NEGR1: variants seen among roughly 807,000 people sequenced by gnomAD.
The protein encoded by NEGR1 is IgLON family member 4.
A neutral mutation model predicts 40.9 loss-of-function variants in NEGR1; 10 were observed. The observed-to-expected ratio is 0.24, with a 90% confidence interval of 0.15 to 0.42. The LOEUF is 0.42. Among genes scored for constraint, NEGR1 ranks in the 10% least tolerant of loss-of-function variants. The pLI, the probability that NEGR1 is intolerant of heterozygous loss-of-function variation, is 1.00. For missense variants in NEGR1, 352 were observed against 438.9 expected, an observed-to-expected ratio of 0.80 and a Z score of 1.77; for synonymous variants, 185 against 166.8, an observed-to-expected ratio of 1.11 and a Z score of -0.84.
At chr1:72,063,850 T>C (rs893762650) in intron 1 of NEGR1, among the ~76,000 whole-genome samples, 5 of 150,042 alleles carry the variant, frequency 3.3e-5, no homozygotes, top group Non-Finnish European at 5.9e-5. Context: ...AATGGCTATG[T>C]GCTTCCTCTA....
chr1:71,464,418 C>G (rs112317908), intron 6 of NEGR1, among the ~76,000 whole-genome samples: 1 of 152,048 alleles, frequency 6.6e-6, no homozygotes, highest in African/African-American at 2.4e-5. Context: ...CATCAAATGA[C>G]AGTTATGAGA....
chr1:72,093,388 AAACT>A (rs1392653217), intron 1 of NEGR1, among the ~76,000 whole-genome samples: 2 of 151,960 alleles, frequency 1.3e-5, no homozygotes, highest in African/African-American at 4.8e-5. Flanking sequence ...TTTAGTTATT[AAACT>A]AACAATTTCA....
intron 2 of NEGR1, among the ~76,000 whole-genome samples, chr1:71,832,644 G>T (rs1265970549): frequency 2.6e-5 from 4 of 152,014 alleles, no homozygotes; most frequent in Admixed American, 2.6e-4. Flanking sequence ...TGAGGATAGG[G>T]GAATTAACAA....
intron 1 of NEGR1, among the ~76,000 whole-genome samples, chr1:72,048,241 A>T (rs1212276449): frequency 6.6e-6 from 1 of 151,412 alleles, no homozygotes; most frequent in East Asian, 1.9e-4. Flanking sequence ...TTCCCATGGA[A>T]CTCTTTCTTC....
intron 5 of NEGR1, among the ~76,000 whole-genome samples, chr1:71,603,085 G>C (rs558689739): frequency 6.6e-6 from 1 of 152,190 alleles, no homozygotes; most frequent in South Asian, 2.1e-4. Context: ...CACTAGAAAT[G>C]CAAGTTTCTT....
intron 6 of NEGR1, among the ~76,000 whole-genome samples, chr1:71,568,312 G>A (rs1648687677): frequency 6.6e-6 from 1 of 152,160 alleles, no homozygotes; most frequent in Admixed American, 6.5e-5. Context: ...ATGAACTCTA[G>A]TGAAGAATCA....
At chr1:72,133,933 A>T (rs1271360026) in intron 1 of NEGR1, among the ~76,000 whole-genome samples, 1 of 152,042 alleles carries the variant, frequency 6.6e-6, no homozygotes, top group South Asian at 2.1e-4. Flanking sequence ...TTTAATTTTT[A>T]AATTTGATGA....
intron 4 of NEGR1, among the ~76,000 whole-genome samples, chr1:71,628,048 C>T (rs1262208683): frequency 6.6e-6 from 1 of 152,024 alleles, no homozygotes; most frequent in Non-Finnish European, 1.5e-5. Flanking sequence ...GAGGACTTCC[C>T]ATTTCTTCAG....
chr1:71,986,306 T>A (rs1162557028), intron 1 of NEGR1, among the ~76,000 whole-genome samples: 1 of 152,222 alleles, frequency 6.6e-6, no homozygotes, highest in African/African-American at 2.4e-5. Context: ...TTCCACACAA[T>A]AGTGCATTAT....
chr1:72,167,137 A>C (rs1398707615), intron 1 of NEGR1, among the ~76,000 whole-genome samples: 2 of 152,108 alleles, frequency 1.3e-5, no homozygotes, highest in East Asian at 1.9e-4. Flanking sequence ...CAAAATCTTA[A>C]AACAAGATGC....
intron 6 of NEGR1, among the ~76,000 whole-genome samples, chr1:71,496,237 A>G (rs567348592): frequency 3.3e-5 from 5 of 152,316 alleles, no homozygotes; most frequent in Admixed American, 1.3e-4. Flanking sequence ...TGAACAGCAC[A>G]TAAGTACAGC....
chr1:72,095,894 C>T (rs914105750), intron 1 of NEGR1, among the ~76,000 whole-genome samples: 1 of 152,050 alleles, frequency 6.6e-6, no homozygotes, highest in Non-Finnish European at 1.5e-5. Flanking sequence ...AAGTATTTTC[C>T]TTTCTCTTTT....
At chr1:71,809,331 A>T (rs1307825958) in intron 2 of NEGR1, among the ~76,000 whole-genome samples, 1 of 152,210 alleles carries the variant, frequency 6.6e-6, no homozygotes, top group Non-Finnish European at 1.5e-5. Context: ...TTCCGTGGAA[A>T]TTCAGCTAGC....
chr1:72,070,746 T>A (rs1402918513), intron 1 of NEGR1, among the ~76,000 whole-genome samples: 1 of 151,978 alleles, frequency 6.6e-6, no homozygotes, highest in Non-Finnish European at 1.5e-5. Context: ...CCAACTACAT[T>A]GTGGTTGTGT....
chr1:71,400,770 C>A lies in NEGR1; in HGVS notation c.*6676G>T, dbSNP rs1006819096. On this transcript the variant is annotated 3_prime_UTR_variant, in exon 7 of 7. Transcript: ENST00000357731. ...CATCTCGTCTGGGAGCGGTGGCTCA[C>A]GCCTGTAATCCCAGCACTTTAGGAG... 6.6e-6 allele frequency: 1 copy of A among 151,940 alleles called. No homozygotes were observed. Among genetic ancestry groups the A allele is most frequent in the African/African-American group, 2.4e-5 (1 of 41,376 alleles). 9.4% of individuals were successfully genotyped at this position (151,940 alleles called of 1,614,324 possible).
intron 1 of NEGR1, among the ~76,000 whole-genome samples, chr1:72,063,308 T>C (rs970927394): frequency 1.3e-5 from 2 of 151,934 alleles, no homozygotes; most frequent in African/African-American, 2.4e-5. Flanking sequence ...TGACTTGCCT[T>C]AGGTCACACC....
intron 2 of NEGR1, among the ~76,000 whole-genome samples, chr1:71,835,402 A>G (rs1303303870): frequency 1.3e-5 from 2 of 152,128 alleles, no homozygotes. Flanking sequence ...TTTGCAATCT[A>G]CCATAATATA....
In NEGR1 at chr1:71,776,309, A is replaced by G; in HGVS notation, c.410-12T>C. On this transcript the variant is annotated splice_polypyrimidine_tract_variant and intron_variant, in intron 2 of 6. Transcript: ENST00000357731. ...TATCTTAGGAGGAACTGAAATGACA[A>G]AATACGCAGTGATTAGAAAAAAATA... is the stretch of plus-strand genomic sequence containing the variant. The G allele has an allele frequency of 1.3e-6, 2 of 1,526,918 alleles. No individual in the cohort carries two copies. The highest frequency in any genetic ancestry group is 1.8e-6 in the Non-Finnish European group (2 of 1,125,456). The allele number at this position is 1,526,918 out of a possible 1,614,324, so 94.6% of individuals were successfully genotyped here. A position where few individuals can be genotyped will look rare whatever the true frequency, so the allele number is the denominator to read the frequency against.
At chr1:71,842,235 TAGAC>T (rs1217250516) in intron 2 of NEGR1, among the ~76,000 whole-genome samples, 1 of 152,138 alleles carries the variant, frequency 6.6e-6, no homozygotes, top group African/African-American at 2.4e-5. Context: ...TCTGGCTTGT[TAGAC>T]AGTGGAATAG....
Sources: gnomAD v4.1 joint callset for allele counts (sites outside exome capture counted in the v4.1 genomes callset) on GRCh38, gnomAD v4.1.1 for gene constraint, MANE v1.5 for transcripts, NCBI Gene and HGNC (gene_info 2026-07-23, HGNC 2026-07-21) for gene names.